MAST4: variants seen among roughly 807,000 people sequenced by gnomAD.
The protein encoded by MAST4 is microtubule-associated serine/threonine-protein kinase 4.
MAST4 carries 89 observed loss-of-function variants against 162.7 expected under a neutral mutation model. The observed-to-expected ratio is 0.55, with a 90% CI of 0.46 to 0.65. MAST4 has a LOEUF of 0.65. Ranked by LOEUF, MAST4 falls within the 30% of genes least tolerant of loss-of-function variation. The probability of loss-of-function intolerance (pLI) is 0.00; values close to 1 mark genes in which losing one functional copy is unlikely to be tolerated. For missense variants in MAST4, 3,153 were observed against 3,374.0 expected, an observed-to-expected ratio of 0.93 and a Z score of 1.62; for synonymous variants, 1,479 against 1,361.1, an observed-to-expected ratio of 1.09 and a Z score of -1.91.
chr5:66,958,181 G>C (rs556265582), intron 4 of MAST4, among the ~76,000 whole-genome samples: 1 of 152,258 alleles, frequency 6.6e-6, no homozygotes, highest in African/African-American at 2.4e-5. Context: ...GAAAGAGAAA[G>C]AGATGCCTTG....
At chr5:66,872,721 C>T (rs907426449) in intron 3 of MAST4, among the ~76,000 whole-genome samples, 4 of 152,162 alleles carry the variant, frequency 2.6e-5, no homozygotes, top group Non-Finnish European at 5.9e-5. Context: ...GTGAATTTTG[C>T]TAATGTAGAG....
At chr5:66,985,391 C>G (rs948575678) in intron 4 of MAST4, among the ~76,000 whole-genome samples, 1 of 152,174 alleles carries the variant, frequency 6.6e-6, no homozygotes, top group Non-Finnish European at 1.5e-5. Context: ...CAATCAAAGA[C>G]AAAGGCCCTT....
At position 66,596,542 on chromosome 5, in the gene MAST4, C is replaced by T; in HGVS notation, c.-114C>T. On this transcript the variant is annotated 5_prime_UTR_variant, in exon 1 of 29. Transcript: ENST00000403625. ...AGTCGCTGGCGGGGCTCCCTGCAGC[C>T]CGGGAGCGGCAGTGCCAGTGAGCCT... 4 of 1,224,300 alleles carry T rather than the reference C, an allele frequency of 3.3e-6. No individual in the cohort carries two copies. Among genetic ancestry groups the T allele is most frequent in the Non-Finnish European group, 4.1e-6 (4 of 967,922 alleles). 75.8% of individuals were successfully genotyped at this position (1,224,300 alleles called of 1,614,324 possible).
At chr5:66,621,099 T>C in intron 1 of MAST4, among the ~76,000 whole-genome samples, 1 of 152,154 alleles carries the variant, frequency 6.6e-6, no homozygotes, top group Admixed American at 6.5e-5. Flanking sequence ...TGAGGATGAC[T>C]GTGTTAATTT....
intron 4 of MAST4, among the ~76,000 whole-genome samples, chr5:67,018,168 A>G (rs1018760156): frequency 6.6e-5 from 10 of 152,212 alleles, no homozygotes; most frequent in African/African-American, 2.4e-4. Context: ...CAAGTGAAGT[A>G]CCAGAAAAAT....
chr5:66,798,636 TAGTG>T (rs1755769708), intron 3 of MAST4, among the ~76,000 whole-genome samples: 1 of 152,212 alleles, frequency 6.6e-6, no homozygotes, highest in South Asian at 2.1e-4. Flanking sequence ...ATTCTGTATT[TAGTG>T]AGTAATAATT....
At chr5:66,764,215 T>C (rs988529399) in intron 2 of MAST4, among the ~76,000 whole-genome samples, 1 of 152,204 alleles carries the variant, frequency 6.6e-6, no homozygotes, top group African/African-American at 2.4e-5. Flanking sequence ...CAGGTTGCAG[T>C]TTGGGTCCAG....
Position 67,164,737 on chromosome 5 carries a change from C to T in MAST4, c.5558C>T (p.Thr1853Ile). ...AGCAGCAGTGGGAAAAAGAACGATA[C>T]CACCAGTGCAAGAGAGCTTTCTCCT... ...LPSSSGKKNDTTSARELSPSS... is the reference protein window; with the variant it reads ...LPSSSGKKNDITSARELSPSS... Residue 1853 changes from threonine (T) to isoleucine (I), a missense_variant, in exon 29 of 29, where the codon ACC (threonine) becomes ATC (isoleucine). By Grantham distance (89) the Thr-to-Ile change is moderately conservative. Around this residue, in one of 7 missense-constraint regions of MAST4, gnomAD observed 1,644 missense variants for 1,495.0 expected, o/e 1.10. Transcript: ENST00000403625. This position sits in a 1 kb window ranked among gnomAD's most constrained non-coding sequence, Gnocchi z 5.3. 1.9e-6 allele frequency: 3 copies of T among 1,613,984 alleles called. No individual in the cohort carries two copies. Among genetic ancestry groups the T allele is most frequent in the Non-Finnish European group, 2.5e-6 (3 of 1,179,882 alleles).
intron 4 of MAST4, among the ~76,000 whole-genome samples, chr5:66,997,720 C>T (rs1004406997): frequency 2.6e-5 from 4 of 152,166 alleles, no homozygotes; most frequent in Non-Finnish European, 4.4e-5. Flanking sequence ...AGCCACCATG[C>T]CCAGCCTGAT....
At chr5:66,940,431 G>C (rs1395226737) in intron 4 of MAST4, among the ~76,000 whole-genome samples, 1 of 152,132 alleles carries the variant, frequency 6.6e-6, no homozygotes, top group Admixed American at 6.5e-5. Flanking sequence ...CTCAAACCCT[G>C]CTATTGCTTT....
Position 67,142,223 on chromosome 5 carries a change from C to G in MAST4, c.2603C>G (p.Thr868Arg). Reference sequence around the variant, plus strand: ...CCCCAACTGGAATCTGAGGATGACACAAGTTATTTTGATAGTATGTGCTTT... The same window carrying G: ...CCCCAACTGGAATCTGAGGATGACAGAAGTTATTTTGATAGTATGTGCTTT... The part of the protein sequence containing the change: ...FIPQLESEDD[T>R]SYFDTRSEKY... The change falls in exon 20 of 29, where the codon ACA becomes AGA. Residue 868 changes from threonine to arginine, a missense_variant. This residue lies in a region of MAST4 where 10 missense variants were observed against 31.3 expected (regional missense o/e 0.32). Transcript: ENST00000403625. 1 of 1,613,770 alleles carries G rather than the reference C, an allele frequency of 6.2e-7. No homozygotes were observed. The highest frequency in any genetic ancestry group is 8.5e-7 in the Non-Finnish European group (1 of 1,179,784).
chr5:67,104,591 CATATAGTTT>C lies in MAST4; in HGVS notation c.1356+17_1356+25del. The C allele has an allele frequency of 1.3e-6, 2 of 1,597,516 alleles. No individual in the cohort carries two copies. The highest frequency in any genetic ancestry group is 2.2e-5 in the South Asian group (2 of 89,392). On this transcript the variant is annotated intron_variant, in intron 10 of 28. Transcript: ENST00000403625. ...GCTACAGGAGGTAAGAACCATGTAC[CATATAGTTT>C]TCTGATTTATTTTGCTTTTCCCTGA... is the stretch of plus-strand genomic sequence containing the variant.
chr5:66,820,228 C>T (rs908377818), intron 3 of MAST4, among the ~76,000 whole-genome samples: 1 of 151,974 alleles, frequency 6.6e-6, no homozygotes, highest in East Asian at 1.9e-4. Flanking sequence ...AATAATTTTC[C>T]TTGATCTTTT....
intron 4 of MAST4, among the ~76,000 whole-genome samples, chr5:67,050,803 C>T (rs928889137): frequency 2.6e-5 from 4 of 152,150 alleles, no homozygotes; most frequent in Non-Finnish European, 4.4e-5. Flanking sequence ...GTGCAACTCA[C>T]CCACAGGAAA....
chr5:66,970,871 C>G (rs1747342425), intron 4 of MAST4, among the ~76,000 whole-genome samples: 1 of 152,156 alleles, frequency 6.6e-6, no homozygotes, highest in Admixed American at 6.5e-5. Flanking sequence ...TCTATGGAGC[C>G]CACACATCTC....
chr5:66,681,999 CCAGA>C (rs1218994546), intron 1 of MAST4, among the ~76,000 whole-genome samples: 15 of 152,144 alleles, frequency 9.9e-5, no homozygotes, highest in East Asian at 1.9e-4. Flanking sequence ...GACAGGACAG[CCAGA>C]CAGTCTATCG....
At chr5:66,973,613 A>G (rs1236689767) in intron 4 of MAST4, among the ~76,000 whole-genome samples, 1 of 152,176 alleles carries the variant, frequency 6.6e-6, no homozygotes, top group Non-Finnish European at 1.5e-5. Flanking sequence ...TCTCTGGGGT[A>G]AAATTTTTAG....
At chr5:66,621,887 A>T (rs988349278) in intron 1 of MAST4, among the ~76,000 whole-genome samples, 3 of 152,206 alleles carry the variant, frequency 2.0e-5, no homozygotes, top group Admixed American at 2.0e-4. Context: ...TAAATACTTC[A>T]GGCTTTGTGG....
chr5:66,950,894 C>T (rs975623778), intron 4 of MAST4, among the ~76,000 whole-genome samples: 1 of 152,194 alleles, frequency 6.6e-6, no homozygotes, highest in Non-Finnish European at 1.5e-5. Context: ...TTTTACATTT[C>T]CGCAGTTATA....
Sources: gnomAD v4.1 joint callset for allele counts (sites outside exome capture counted in the v4.1 genomes callset) on GRCh38, gnomAD v4.1.1 for gene constraint, gnomAD v4.1.1 regional missense constraint, Gnocchi (gnomAD v3.1) non-coding constraint, MANE v1.5 for transcripts, NCBI Gene and HGNC (gene_info 2026-07-23, HGNC 2026-07-21) for gene names.